FAM185A: variants seen among roughly 807,000 people sequenced by gnomAD.
FAM185A encodes the protein family with sequence similarity 185 member A.
Under a neutral mutation model 45.7 loss-of-function variants are expected in FAM185A, and 21 were observed. The ratio of observed to expected loss-of-function variants is 0.46; its 90% CI spans 0.33 to 0.66. The LOEUF is 0.66. Ranked by LOEUF, FAM185A falls within the 30% of genes least tolerant of loss-of-function variation. The pLI is 0.03. For synonymous variants in FAM185A, 117 were observed against 194.0 expected (o/e 0.60, Z 3.30); for missense variants, 305 against 485.4 (o/e 0.63, Z 3.49).
chr7:102,810,944 CAA>C (rs560621246), downstream of FAM185A, among the ~76,000 whole-genome samples: 2 of 152,230 alleles, frequency 1.3e-5, no homozygotes, highest in East Asian at 3.9e-4. Context: ...ATTTATGAAA[CAA>C]AAGTCAGCTT....
chr7:102,776,702 TAAAAAAA>T (rs72022042), intron 5 of FAM185A, among the ~76,000 whole-genome samples: 1 of 97,096 alleles, frequency 1.0e-5, no homozygotes, highest in Non-Finnish European at 2.1e-5. Flanking sequence ...ACCCTGTCTC[TAAAAAAA>T]AAAAAAAAAA....
intron 1 of FAM185A, among the ~76,000 whole-genome samples, chr7:102,750,741 A>C (rs1326484723): frequency 1.3e-5 from 2 of 152,210 alleles, no homozygotes; most frequent in African/African-American, 4.8e-5. Flanking sequence ...TATTTATGTT[A>C]ATTCCAAATT....
intron 7 of FAM185A, among the ~76,000 whole-genome samples, chr7:102,794,035 C>CAAA (rs765672577): frequency 5.1e-4 from 31 of 60,544 alleles, no homozygotes; most frequent in South Asian, 4.2e-3. Context: ...GACTCTGTCT[C>CAAA]AAAAAAAAAA....
chr7:102,836,401 C>T, the FAM185A span, among the ~76,000 whole-genome samples: 1 of 152,192 alleles, frequency 6.6e-6, no homozygotes, highest in Non-Finnish European at 1.5e-5. Context: ...AATCTGCAAG[C>T]ATGTTTCAAC....
intron 7 of FAM185A, among the ~76,000 whole-genome samples, chr7:102,799,696 T>C (rs531812798): frequency 3.3e-5 from 5 of 152,338 alleles, no homozygotes; most frequent in Non-Finnish European, 4.4e-5. Context: ...TACGTATCTA[T>C]ACCATATCTA....
At chr7:102,771,341 T>C (rs927941277) in intron 4 of FAM185A, among the ~76,000 whole-genome samples, 1 of 152,148 alleles carries the variant, frequency 6.6e-6, no homozygotes, top group East Asian at 1.9e-4. Context: ...TGCACATGTA[T>C]CCCCTGAATC....
At chr7:102,809,933 TCTGA>T (rs1797336385), downstream of FAM185A, among the ~76,000 whole-genome samples, 1 of 152,080 alleles carries the variant, frequency 6.6e-6, no homozygotes, top group Admixed American at 6.5e-5. Context: ...TCTTGCAAGA[TCTGA>T]CTGTTTAAAA....
intron 7 of FAM185A, among the ~76,000 whole-genome samples, chr7:102,801,916 C>T (rs1210351333): frequency 5.6e-5 from 7 of 124,376 alleles, no homozygotes; most frequent in African/African-American, 1.1e-4. Flanking sequence ...AGGGAGACTA[C>T]GTCTCAAAAA....
chr7:102,791,333 T>G (rs1479287506), intron 7 of FAM185A, among the ~76,000 whole-genome samples: 216 of 152,280 alleles, frequency 1.4e-3, no homozygotes, highest in Non-Finnish European at 1.3e-3. Context: ...CTGCAGTAAT[T>G]CAGCAGAAGG....
chr7:102,807,314 T>C (rs749771059), intron 7 of FAM185A, among the ~76,000 whole-genome samples: 20 of 152,174 alleles, frequency 1.3e-4, no homozygotes, highest in Non-Finnish European at 1.9e-4. Context: ...GATTTTTACC[T>C]ATGTCAAAAC....
rs1554372725 is a variant in FAM185A at position 102,776,712 on chromosome 7, A to AAAAAAG, written c.836-536_836-535insGAAAAA. Reference sequence around the variant, plus strand: ...GCAAGACCCTGTCTCTAAAAAAAAAAAAAAAAAGAAAAAAAGAAATGCGAC... The same window carrying AAAAAAG: ...GCAAGACCCTGTCTCTAAAAAAAAAAAAAAAGAAAAAAAGAAAAAAAGAAATGCGAC... On this transcript the variant is annotated intron_variant, in intron 5 of 7. Transcript: ENST00000413034. Among the ~76,000 whole-genome samples, 35 of 151,450 alleles carry AAAAAAG rather than the reference A, an allele frequency of 2.3e-4. 1 individual carries two copies. The East Asian group carries it at 6.8e-3, about 29-fold the overall frequency.
At chr7:102,825,713 TA>T in the FAM185A span, among the ~76,000 whole-genome samples, 2 of 152,154 alleles carry the variant, frequency 1.3e-5, no homozygotes, top group East Asian at 1.9e-4. Context: ...GGCATTACCA[TA>T]AAAAAATGTG....
chr7:102,790,265 T>C (rs1033433950), intron 7 of FAM185A, among the ~76,000 whole-genome samples: 4 of 152,198 alleles, frequency 2.6e-5, no homozygotes, highest in African/African-American at 9.6e-5. Context: ...CAAATGCAGG[T>C]AGTGCGTTGC....
the FAM185A span, among the ~76,000 whole-genome samples, chr7:102,834,098 G>GGAAGGA: frequency 1.2e-3 from 117 of 93,906 alleles, 1 homozygote; most frequent in African/African-American, 4.4e-3. Context: ...AAGAAAGAAA[G>GGAAGGA]AAAGAAAGAA....
chr7:102,819,406 ACT>A, the FAM185A span, among the ~76,000 whole-genome samples: 1 of 150,360 alleles, frequency 6.7e-6, no homozygotes, highest in Non-Finnish European at 1.5e-5. Context: ...TCTGCAGGAA[ACT>A]CTCCTGCAAA....
chr7:102,810,218 A>G (rs529084540), downstream of FAM185A, among the ~76,000 whole-genome samples: 18 of 152,272 alleles, frequency 1.2e-4, 1 homozygote, highest in East Asian at 3.3e-3. Context: ...TTTTATGATT[A>G]AGATAAGTCA....
chr7:102,762,783 A>C (rs887762023), intron 4 of FAM185A, among the ~76,000 whole-genome samples: 4 of 150,694 alleles, frequency 2.7e-5, no homozygotes, highest in African/African-American at 9.8e-5. Context: ...TTGAGCCCAA[A>C]ATAGCTTAAG....
chr7:102,760,168 G>A (rs1413623038), intron 3 of FAM185A, among the ~76,000 whole-genome samples: 1 of 152,042 alleles, frequency 6.6e-6, no homozygotes, highest in Non-Finnish European at 1.5e-5. Flanking sequence ...TGAAGCCACA[G>A]TACTTCCTTA....
the FAM185A span, among the ~76,000 whole-genome samples, chr7:102,834,382 ATATATATATATATTATATGCGAT>A: frequency 8.4e-5 from 12 of 143,384 alleles, 1 homozygote; most frequent in African/African-American, 3.2e-4. Flanking sequence ...TATATAAATT[ATATATATATATATTATATGCGAT>A]TATATATATA....
Sources: allele counts gnomAD v4.1 joint callset (sites outside exome capture counted in the v4.1 genomes callset), GRCh38; gene constraint gnomAD v4.1.1; transcripts MANE v1.5; gene names NCBI Gene and HGNC (gene_info 2026-07-23, HGNC 2026-07-21).